Variants in RGSL1 observed in about 807,000 individuals in gnomAD.
The protein encoded by RGSL1 is regulator of G protein signaling protein-like.
Under a neutral mutation model 124.7 loss-of-function variants are expected in RGSL1, and 97 were observed. That is an observed-to-expected ratio of 0.78 (90% confidence interval 0.66 to 0.92). The LOEUF (loss-of-function observed/expected upper bound fraction) is 0.92. Among genes scored for constraint, RGSL1 ranks in the 40% least tolerant of loss-of-function variants. RGSL1 has a pLI of 0.00. For missense variants in RGSL1, 1,233 were observed against 1,288.4 expected, an observed-to-expected ratio of 0.96 and a Z score of 0.66; for synonymous variants, 424 against 438.1, an observed-to-expected ratio of 0.97 and a Z score of 0.40.
intron 15 of RGSL1, among the ~76,000 whole-genome samples, chr1:182,547,900 A>G (rs1660318590): frequency 6.6e-6 from 1 of 152,168 alleles, no homozygotes; most frequent in Non-Finnish European, 1.5e-5. Flanking sequence ...TACCACTGGA[A>G]TTAAGTCCAA....
intron 4 of RGSL1, 23 bp downstream of exon 4, chr1:182,460,156 G>A (rs1558229912): frequency 6.7e-7 from 1 of 1,491,072 alleles, no homozygotes; most frequent in South Asian, 1.2e-5. Context: ...GTGCATGCGT[G>A]TGTCTGTGTG....
intron 6 of RGSL1, among the ~76,000 whole-genome samples, chr1:182,475,144 A>G (rs549678533): frequency 6.6e-6 from 1 of 152,226 alleles, no homozygotes; most frequent in Non-Finnish European, 1.5e-5. Context: ...TCCCCAAACC[A>G]TGAACCTCAG....
intron 4 of RGSL1, among the ~76,000 whole-genome samples, chr1:182,465,226 T>G (rs1306499848): frequency 6.6e-6 from 1 of 152,064 alleles, no homozygotes; most frequent in Non-Finnish European, 1.5e-5. Flanking sequence ...ACACAAAATC[T>G]ACTAATGCTA....
In RGSL1 at chr1:182,534,039, G is replaced by A. The variant is rs74447990; in HGVS notation, c.2494+1248G>A. ...GCAAATGCTTGAGATGAGACTGGAA[G>A]GATAGGCGGTGACAAATCATGACTC... On this transcript the variant is annotated intron_variant, in intron 14 of 21. Coordinates refer to ENST00000294854, the MANE Select transcript of RGSL1 (RefSeq NM_001137669.2). 7.3e-3 allele frequency among the ~76,000 whole-genome samples: 1,107 copies of A among 152,264 alleles called. 15 individuals are homozygous for A. Among genetic ancestry groups the A allele is most frequent in the Middle Eastern group, 0.027 (8 of 294 alleles).
At chr1:182,509,698 C>T (rs367611377) in intron 9 of RGSL1, among the ~76,000 whole-genome samples, 16,189 of 130,378 alleles carry the variant, frequency 0.12, 1,114 homozygotes, top group East Asian at 0.32. Context: ...CCGGACGGCA[C>T]GGCTGGCCGG....
In RGSL1 at chr1:182,504,042, G is replaced by A. The variant is rs549810716; in HGVS notation, c.1825+10913G>A. ...GTCACCCAGGCTGGAATGCAGTGGT[G>A]GAATCTTGGCTCACTGCAACCTCTG... is the stretch of plus-strand genomic sequence containing the variant. On this transcript the variant is annotated intron_variant, in intron 9 of 21. Transcript: ENST00000294854. Among the ~76,000 whole-genome samples the A allele has an allele frequency of 2.8e-5, 4 of 144,784 alleles. No individual in the cohort carries two copies. In the East Asian group the frequency reaches 8.8e-4, roughly 32 times the overall value. 95.0% of individuals were successfully genotyped at this position (144,784 alleles called of 152,430 possible).
intron 18 of RGSL1, 83 bp from the exon 19 acceptor site, chr1:182,553,372 G>T (rs1348925691): frequency 8.1e-6 from 8 of 988,390 alleles, no homozygotes; most frequent in African/African-American, 6.5e-5. Flanking sequence ...TGTTAAACAA[G>T]AGCTTTATTG....
In RGSL1 at chr1:182,530,466, C is replaced by G. The variant is rs1558392290; in HGVS notation, c.2243+105C>G. 4 of 877,136 alleles carry G rather than the reference C, an allele frequency of 4.6e-6. No homozygotes were observed. In the South Asian group the frequency reaches 6.8e-5, roughly 15 times the overall value. 54.3% of individuals were successfully genotyped at this position (877,136 alleles called of 1,614,324 possible). A position where few individuals can be genotyped will look rare whatever the true frequency, so the allele number is the denominator to read the frequency against. ...CTAATCCATTTTCATAGCTCATTGC[C>G]AGAGCCTCTCTACAAAATAAAAATT... On this transcript the variant is annotated intron_variant, in intron 12 of 21. Coordinates refer to ENST00000294854, the MANE Select transcript of RGSL1 (RefSeq NM_001137669.2).
chr1:182,499,503 TTTTG>T (rs1437723299), intron 9 of RGSL1, among the ~76,000 whole-genome samples: 1 of 152,230 alleles, frequency 6.6e-6, no homozygotes, highest in African/African-American at 2.4e-5. Context: ...CCTCTGCCTT[TTTTG>T]TTTGTTTTCC....
intron 14 of RGSL1, among the ~76,000 whole-genome samples, chr1:182,533,690 C>T (rs1195737999): frequency 2.6e-5 from 4 of 152,144 alleles, no homozygotes; most frequent in Non-Finnish European, 5.9e-5. Flanking sequence ...AGAATTGTTT[C>T]TATTTCACAG....
chr1:182,529,573 C>A (rs1659012493), intron 11 of RGSL1, among the ~76,000 whole-genome samples: 1 of 152,124 alleles, frequency 6.6e-6, no homozygotes, highest in African/African-American at 2.4e-5. Flanking sequence ...GATAGAGCCT[C>A]CTGTTTTGTC....
intron 9 of RGSL1, among the ~76,000 whole-genome samples, chr1:182,515,641 A>G (rs1049989134): frequency 6.6e-6 from 1 of 151,902 alleles, no homozygotes; most frequent in Non-Finnish European, 1.5e-5. Context: ...CCGCCAGTTT[A>G]GACCAGTGAG....
intron 1 of RGSL1, among the ~76,000 whole-genome samples, chr1:182,452,041 G>C (rs1187669669): frequency 1.3e-5 from 2 of 151,896 alleles, no homozygotes; most frequent in Non-Finnish European, 2.9e-5. Flanking sequence ...GAGAGACAGG[G>C]ACAGAGACAG....
intron 6 of RGSL1, among the ~76,000 whole-genome samples, chr1:182,487,675 C>A (rs565386464): frequency 6.6e-5 from 10 of 152,204 alleles, no homozygotes; most frequent in Non-Finnish European, 1.3e-4. Flanking sequence ...GGAAGCTGAG[C>A]TCCTTATAGC....
At position 182,505,561 on chromosome 1, in the gene RGSL1, T is replaced by C. The variant is rs527613040; in HGVS notation, c.1825+12432T>C. ...GTTGCTTTTGTGGAGGGTTGAATTC[T>C]GAGAGCTCCCTCCTTTGCCATTTTC... On this transcript the variant is annotated intron_variant, in intron 9 of 21. Transcript: ENST00000294854. Among the ~76,000 whole-genome samples, 273 of 152,356 alleles carry C rather than the reference T, an allele frequency of 1.8e-3. 1 individual carries two copies. Among genetic ancestry groups the C allele is most frequent in the Non-Finnish European group, 3.4e-3 (233 of 68,024 alleles).
chr1:182,515,412 C>T (rs971415879), intron 9 of RGSL1, among the ~76,000 whole-genome samples: 12 of 151,908 alleles, frequency 7.9e-5, no homozygotes, highest in African/African-American at 2.9e-4. Context: ...TCAGAGGCTG[C>T]ACGGATCTGT....
chr1:182,516,317 C>A (rs1386701489), intron 9 of RGSL1, among the ~76,000 whole-genome samples: 1 of 152,186 alleles, frequency 6.6e-6, no homozygotes, highest in Non-Finnish European at 1.5e-5. Context: ...CAGTATTTCC[C>A]GTCTCTATCT....
At chr1:182,519,824 T>C (rs1202827571) in intron 9 of RGSL1, among the ~76,000 whole-genome samples, 2 of 152,170 alleles carry the variant, frequency 1.3e-5, no homozygotes, top group East Asian at 3.8e-4. Flanking sequence ...TTCTCTTTAG[T>C]TGTGTATAAT....
chr1:182,480,735 C>T (rs543513404), intron 6 of RGSL1, among the ~76,000 whole-genome samples: 13 of 152,238 alleles, frequency 8.5e-5, no homozygotes, highest in African/African-American at 2.2e-4. Context: ...GGATTACAGG[C>T]GTGAGCCACC....
Sources: allele counts gnomAD v4.1 joint callset (sites outside exome capture counted in the v4.1 genomes callset), GRCh38; gene constraint gnomAD v4.1.1; transcripts MANE v1.5; gene names NCBI Gene and HGNC (gene_info 2026-07-23, HGNC 2026-07-21).